PRELID2: variants seen among roughly 807,000 people sequenced by gnomAD.
PRELID2 encodes the protein PRELI domain containing 2.
In PRELID2, 25 loss-of-function variants were observed where a neutral mutation model predicts 28.4. The ratio of observed to expected loss-of-function variants is 0.88; its 90% CI spans 0.64 to 1.23. PRELID2 has a LOEUF of 1.23. PRELID2 is among the 50% of genes most tolerant of loss of function. PRELID2 has a pLI of 0.00. For synonymous variants in PRELID2, 76 were observed against 71.6 expected (o/e 1.06, Z -0.31); for missense variants, 201 against 214.4 (o/e 0.94, Z 0.39).
chr5:145,386,225 A>T, the PRELID2 span, among the ~76,000 whole-genome samples: 1 of 151,924 alleles, frequency 6.6e-6, no homozygotes, highest in Non-Finnish European at 1.5e-5. Context: ...AAACTATCAG[A>T]TCTCATGAGA....
At chr5:145,675,271 GCT>G (rs575221566) in intron 1 of PRELID2, among the ~76,000 whole-genome samples, 1 of 152,050 alleles carries the variant, frequency 6.6e-6, no homozygotes, top group Non-Finnish European at 1.5e-5. Context: ...AATGTAAATG[GCT>G]CTTAGTCCAT....
chr5:145,759,169 T>A lies in PRELID2; in HGVS notation c.*1367A>T, dbSNP rs1424272722. On this transcript the variant is annotated 3_prime_UTR_variant, in exon 7 of 7. Transcript: ENST00000683046. Reference sequence around the variant, plus strand: ...GCATGCGCCACCACGCCCAGCTAATTTTTTTGTATTTTTAGTAGAGACGGG... The same window carrying A: ...GCATGCGCCACCACGCCCAGCTAATATTTTTGTATTTTTAGTAGAGACGGG... The A allele has an allele frequency of 2.6e-5, 4 of 151,780 alleles. No homozygotes were observed. The highest frequency in any genetic ancestry group is 2.6e-4 in the Admixed American group (4 of 15,208). 9.4% of individuals were successfully genotyped at this position (151,780 alleles called of 1,614,324 possible).
At chr5:145,395,810 G>A in the PRELID2 span, among the ~76,000 whole-genome samples, 2 of 152,074 alleles carry the variant, frequency 1.3e-5, no homozygotes, top group Admixed American at 1.3e-4. Flanking sequence ...ATGGAGCCTG[G>A]ACCCCAGTTC....
At chr5:145,691,822 T>C (rs1755156324) in intron 1 of PRELID2, among the ~76,000 whole-genome samples, 1 of 152,084 alleles carries the variant, frequency 6.6e-6, no homozygotes, top group African/African-American at 2.4e-5. Context: ...GAGCCCAAGA[T>C]TGACCAGAAG....
chr5:145,777,448 T>C (rs1234265548), intron 5 of PRELID2, among the ~76,000 whole-genome samples: 3 of 152,198 alleles, frequency 2.0e-5, no homozygotes, highest in Non-Finnish European at 4.4e-5. Flanking sequence ...CTGTCTAGTT[T>C]AAATCTGGAT....
In PRELID2 at chr5:145,630,127, T is replaced by C. The variant is rs562089684; in HGVS notation, n.70+134804A>G. Among the ~76,000 whole-genome samples, 5 of 150,314 alleles carry C rather than the reference T, an allele frequency of 3.3e-5. No homozygotes were observed. In the South Asian group the frequency reaches 1.0e-3, roughly 31 times the overall value. On this transcript the variant is annotated intron_variant and non_coding_transcript_variant, in intron 1 of 2. Coordinates refer to the PRELID2 transcript ENST00000510259. ...GTGTGTACTCAAAAAAATGTTTGGATGCATGGATGGATGGATGGATGGATG... is the reference window on the plus strand; with the variant it reads ...GTGTGTACTCAAAAAAATGTTTGGACGCATGGATGGATGGATGGATGGATG...
chr5:145,326,005 TG>T, the PRELID2 span, among the ~76,000 whole-genome samples: 3 of 152,052 alleles, frequency 2.0e-5, no homozygotes, highest in Non-Finnish European at 2.9e-5. Context: ...AACACACAAT[TG>T]GAAGACTCAA....
At chr5:145,318,781 C>T in the PRELID2 span, among the ~76,000 whole-genome samples, 7 of 152,182 alleles carry the variant, frequency 4.6e-5, no homozygotes, top group Non-Finnish European at 8.8e-5. Context: ...CCACAGAAGG[C>T]TTAAGTGTTA....
At chr5:145,821,188 C>G (rs1205872894) in intron 2 of PRELID2, among the ~76,000 whole-genome samples, 767 of 31,594 alleles carry the variant, frequency 0.024, no homozygotes, top group Middle Eastern at 0.033. Context: ...TGTGTAAGTC[C>G]TCTTCTGTGT....
rs143464575 is a variant in PRELID2, at chr5:145,761,440, T to G, written c.*11-915A>C. On this transcript the variant is annotated intron_variant, in intron 6 of 6. Coordinates refer to ENST00000683046, the MANE Select transcript of PRELID2 (RefSeq NM_205846.3). ...ATGTCTTAATATAAAATCAGCCAAG[T>G]CTTCACAAAGTGTTGACGTTAGAGC... Among the ~76,000 whole-genome samples the G allele has an allele frequency of 2.7e-3, 407 of 152,318 alleles. 2 individuals are homozygous for G. The highest frequency in any genetic ancestry group is 9.0e-3 in the African/African-American group (374 of 41,580).
the PRELID2 span, among the ~76,000 whole-genome samples, chr5:145,304,617 C>A: frequency 6.6e-6 from 1 of 152,080 alleles, no homozygotes; most frequent in Non-Finnish European, 1.5e-5. Flanking sequence ...GCCTAGATTA[C>A]AACCCAAGTA....
chr5:145,733,961 T>C (rs1238231063), intron 1 of PRELID2, among the ~76,000 whole-genome samples: 1 of 152,072 alleles, frequency 6.6e-6, no homozygotes, highest in Non-Finnish European at 1.5e-5. Flanking sequence ...ATCCAGAGTA[T>C]AATTTAAAGA....
chr5:145,341,008 G>A, the PRELID2 span, among the ~76,000 whole-genome samples: 2 of 151,588 alleles, frequency 1.3e-5, no homozygotes, highest in Non-Finnish European at 2.9e-5. Flanking sequence ...GTTGACAGCT[G>A]AAGAAATCAT....
At chr5:145,420,408 G>T in the PRELID2 span, among the ~76,000 whole-genome samples, 767 of 131,652 alleles carry the variant, frequency 5.8e-3, 4 homozygotes, top group Non-Finnish European at 0.01. Context: ...TTTATTTCCT[G>T]GAGCAGTGGT....
At chr5:145,303,983 C>G in the PRELID2 span, among the ~76,000 whole-genome samples, 1 of 152,068 alleles carries the variant, frequency 6.6e-6, no homozygotes, top group African/African-American at 2.4e-5. Flanking sequence ...TGGTATCCTG[C>G]TTTATTTTTG....
intron 1 of PRELID2, among the ~76,000 whole-genome samples, chr5:145,523,808 T>TTTAG (rs1752583704): frequency 6.6e-6 from 1 of 152,146 alleles, no homozygotes; most frequent in Non-Finnish European, 1.5e-5. Context: ...ACTGTATATT[T>TTTAG]TTAGTTATCT....
At chr5:145,390,889 C>T in the PRELID2 span, among the ~76,000 whole-genome samples, 1 of 152,140 alleles carries the variant, frequency 6.6e-6, no homozygotes, top group Non-Finnish European at 1.5e-5. Flanking sequence ...TTAGCCAAAA[C>T]AAAAGGGCTA....
intron 1 of PRELID2, among the ~76,000 whole-genome samples, chr5:145,512,077 C>G (rs1003629959): frequency 3.9e-5 from 6 of 152,106 alleles, no homozygotes; most frequent in African/African-American, 1.4e-4. Context: ...AGGTCTCTAA[C>G]TTGGTACATT....
At chr5:145,638,731 T>C (rs17103552) in intron 1 of PRELID2, among the ~76,000 whole-genome samples, 12,351 of 152,316 alleles carry the variant, frequency 0.081, 692 homozygotes, top group Admixed American at 0.19. Context: ...AACATTTCTA[T>C]ATTTTATGTC....
Sources: allele counts gnomAD v4.1 joint callset (sites outside exome capture counted in the v4.1 genomes callset), GRCh38; gene constraint gnomAD v4.1.1; transcripts MANE v1.5; gene names NCBI Gene and HGNC (gene_info 2026-07-23, HGNC 2026-07-21).